Variants in ARAP2 observed in about 807,000 individuals in gnomAD.
ARAP2 encodes the protein ArfGAP with RhoGAP domain, ankyrin repeat and PH domain 2.
In ARAP2, 148 loss-of-function variants were observed where a neutral mutation model predicts 194.5. The ratio of observed to expected loss-of-function variants is 0.76; its 90% confidence interval spans 0.67 to 0.87. ARAP2 has a LOEUF of 0.87. Among genes scored for constraint, ARAP2 ranks in the 40% least tolerant of loss-of-function variants. The pLI, the probability that ARAP2 is intolerant of heterozygous loss-of-function variation, is 0.00. For synonymous variants in ARAP2, 695 were observed against 683.5 expected, an observed-to-expected ratio of 1.02 and a Z score of -0.26; for missense variants, 2,128 against 1,989.7, an observed-to-expected ratio of 1.07 and a Z score of -1.32.
At chr4:36,189,758 TATCTA>T (rs1192405731) in intron 7 of ARAP2, among the ~76,000 whole-genome samples, 1 of 152,236 alleles carries the variant, frequency 6.6e-6, no homozygotes, top group African/African-American at 2.4e-5. Flanking sequence ...CTTCCTTTCT[TATCTA>T]TTCATTTCAC....
At chr4:36,138,682 C>T (rs1485462520) in intron 19 of ARAP2, among the ~76,000 whole-genome samples, 3 of 151,730 alleles carry the variant, frequency 2.0e-5, no homozygotes, top group Non-Finnish European at 4.4e-5. Context: ...GTATAGGAGT[C>T]ATTTTGTGGA....
intron 19 of ARAP2, among the ~76,000 whole-genome samples, chr4:36,146,954 T>A (rs946704566): frequency 6.6e-6 from 1 of 152,072 alleles, no homozygotes; most frequent in Non-Finnish European, 1.5e-5. Context: ...ATTCAGAATA[T>A]AATTTATAGT....
intron 31 of ARAP2, among the ~76,000 whole-genome samples, chr4:36,074,464 A>C (rs1560372089): frequency 6.6e-6 from 1 of 152,052 alleles, no homozygotes. Flanking sequence ...AGAAAGGTTA[A>C]TTTGGATGGG....
In ARAP2 at chr4:36,124,922, A is replaced by G; in HGVS notation, c.3686T>C (p.Ile1229Thr). ...TCGGTTGACCCCTGGAAGAGAACGT[A>G]TAAATGCTCCATATTTTTTAATTCT... ...KERIKKYGAF[I>T]RSLPGVNRAT... Residue 1229 changes from isoleucine to threonine, a missense_variant, in exon 22 of 33, where the codon ATA (isoleucine) becomes ACA (threonine). By Grantham distance (89) the Ile-to-Thr change is moderately conservative. Transcript: ENST00000303965. 2.5e-6 allele frequency: 4 copies of G among 1,611,278 alleles called. No homozygotes were observed. The highest frequency in any genetic ancestry group is 2.5e-6 in the Non-Finnish European group (3 of 1,178,270).
intron 6 of ARAP2, chr4:36,209,369 T>A: frequency 2.2e-6 from 1 of 453,308 alleles, no homozygotes; most frequent in Non-Finnish European, 4.4e-6. Flanking sequence ...CACACATAGC[T>A]GATAGTAAGA....
At chr4:36,040,523 CAGTACTTTGGAATT>C (rs748839582) in intron 5 of ARAP2, among the ~76,000 whole-genome samples, 2,721 of 152,210 alleles carry the variant, frequency 0.018, 59 homozygotes, top group Non-Finnish European at 0.028. Context: ...TTTCTTTGAG[CAGTACTTTGGAATT>C]CTCATTTTAG....
At chr4:36,128,916 T>C (rs1724683209) in intron 20 of ARAP2, among the ~76,000 whole-genome samples, 171 bp from the exon 21 acceptor site, 1 of 152,014 alleles carries the variant, frequency 6.6e-6, no homozygotes, top group Admixed American at 6.6e-5. Flanking sequence ...CTGATTTTAG[T>C]ATTTAAAATG....
intron 13 of ARAP2, 41 bp downstream of exon 13, chr4:36,160,418 G>T (rs746874489): frequency 7.0e-7 from 1 of 1,430,038 alleles, no homozygotes; most frequent in African/African-American, 1.5e-5. Context: ...TCATTAAAAA[G>T]ACATTAAAAT....
intron 12 of ARAP2, 68 bp from the exon 13 acceptor site, chr4:36,160,709 T>C: frequency 8.3e-7 from 1 of 1,204,146 alleles, no homozygotes; most frequent in Non-Finnish European, 1.1e-6. Flanking sequence ...TGCAGGAAAC[T>C]GAATTATATT....
intron 9 of ARAP2, among the ~76,000 whole-genome samples, chr4:36,175,375 T>A (rs1404250963): frequency 6.6e-6 from 1 of 152,184 alleles, no homozygotes; most frequent in African/African-American, 2.4e-5. Flanking sequence ...TCACCAGGTT[T>A]TTCACATGTG....
intron 27 of ARAP2, among the ~76,000 whole-genome samples, chr4:36,098,796 AT>A (rs1484109451): frequency 6.6e-6 from 1 of 151,928 alleles, no homozygotes; most frequent in East Asian, 1.9e-4. Context: ...TTCAGTCCAT[AT>A]TTTTTTCTCT....
chr4:36,079,879 T>C (rs980804542), intron 31 of ARAP2, among the ~76,000 whole-genome samples: 1 of 152,094 alleles, frequency 6.6e-6, no homozygotes, highest in Non-Finnish European at 1.5e-5. Flanking sequence ...CTTTTCTAAA[T>C]GAAGGTCTAT....
At chr4:36,187,084 C>T (rs764266548) in intron 8 of ARAP2, among the ~76,000 whole-genome samples, 6 of 152,214 alleles carry the variant, frequency 3.9e-5, no homozygotes, top group Non-Finnish European at 8.8e-5. Flanking sequence ...ATATAACCAA[C>T]TTAATAGTTA....
intron 2 of ARAP2, among the ~76,000 whole-genome samples, chr4:36,215,795 A>G (rs758162613): frequency 4.6e-5 from 7 of 151,718 alleles, no homozygotes; most frequent in Non-Finnish European, 7.4e-5. Flanking sequence ...CCCTGCAGTG[A>G]CCCATGATCG....
At chr4:36,212,508 C>T (rs765810065) in intron 4 of ARAP2, 21 bp from the exon 5 acceptor site, 36 of 1,565,504 alleles carry the variant, frequency 2.3e-5, no homozygotes, top group Non-Finnish European at 3.2e-5. Flanking sequence ...AGCAAACAAA[C>T]AAAAAACACA....
downstream of ARAP2, chr4:36,065,383 G>A (rs946703589): frequency 2.5e-5 from 13 of 523,034 alleles, no homozygotes; most frequent in African/African-American, 2.3e-4. Context: ...TAGTGCCAGG[G>A]CCCCAGGAAT....
At chr4:36,151,272 T>C (rs1263087771) in intron 15 of ARAP2, among the ~76,000 whole-genome samples, 1 of 152,134 alleles carries the variant, frequency 6.6e-6, no homozygotes, top group African/African-American at 2.4e-5. Flanking sequence ...CAAAAATGAC[T>C]GTGACATTGA....
chr4:36,144,250 T>C (rs1729066977), intron 19 of ARAP2, among the ~76,000 whole-genome samples: 1 of 151,970 alleles, frequency 6.6e-6, no homozygotes, highest in Non-Finnish European at 1.5e-5. Context: ...CTTGTCTATT[T>C]GTTTAAGAAC....
intron 22 of ARAP2, among the ~76,000 whole-genome samples, chr4:36,124,304 C>T (rs1320160697): frequency 1.3e-5 from 2 of 151,560 alleles, no homozygotes; most frequent in African/African-American, 2.4e-5. Flanking sequence ...ATAATTCCTG[C>T]TAAGATTTAA....
Sources: gnomAD v4.1 joint callset for allele counts (sites outside exome capture counted in the v4.1 genomes callset) on GRCh38, gnomAD v4.1.1 for gene constraint, MANE v1.5 for transcripts, NCBI Gene and HGNC (gene_info 2026-07-23, HGNC 2026-07-21) for gene names.